SAMD3: variants seen among roughly 807,000 people sequenced by gnomAD.
SAMD3 encodes sterile alpha motif domain-containing protein 3.
SAMD3 carries 63 observed loss-of-function variants against 58.5 expected under a neutral mutation model. The observed-to-expected ratio is 1.08, with a 90% confidence interval of 0.88 to 1.33. The LOEUF (loss-of-function observed/expected upper bound fraction) is 1.33. Ranked by LOEUF, SAMD3 falls within the 40% of genes most tolerant of loss-of-function variation. The pLI is 0.00. For missense variants in SAMD3, 604 were observed against 608.4 expected (o/e 0.99, Z 0.08); for synonymous variants, 220 against 210.3 (o/e 1.05, Z -0.40).
At chr6:130,266,129 T>G (rs745645738) in intron 2 of SAMD3, among the ~76,000 whole-genome samples, 4 of 152,146 alleles carry the variant, frequency 2.6e-5, no homozygotes, top group Non-Finnish European at 5.9e-5. Context: ...GGAGCTGAAA[T>G]GGATCTTCAA....
intron 7 of SAMD3, among the ~76,000 whole-genome samples, chr6:130,181,809 T>C (rs1792355894): frequency 6.6e-6 from 1 of 152,062 alleles, no homozygotes; most frequent in Non-Finnish European, 1.5e-5. Flanking sequence ...TTTTGAGCTA[T>C]GTAAATATGT....
chr6:130,324,759 CT>C (rs2115005139), intron 1 of SAMD3, among the ~76,000 whole-genome samples: 1 of 140,866 alleles, frequency 7.1e-6, no homozygotes, highest in Admixed American at 7.1e-5. Context: ...ACAAAAACTA[CT>C]TTTTGGAGAA....
intron 7 of SAMD3, among the ~76,000 whole-genome samples, chr6:130,182,307 T>C (rs1222160716): frequency 2.0e-5 from 3 of 152,178 alleles, no homozygotes; most frequent in East Asian, 1.9e-4. Flanking sequence ...TAGTGCACTT[T>C]ATATGCAGCA....
chr6:130,290,949 T>G (rs1775341106), intron 2 of SAMD3, among the ~76,000 whole-genome samples: 1 of 152,226 alleles, frequency 6.6e-6, no homozygotes, highest in Admixed American at 6.5e-5. Context: ...AGGACAGCAG[T>G]CAGTCATCCT....
intron 2 of SAMD3, among the ~76,000 whole-genome samples, chr6:130,244,513 G>T (rs1409802373): frequency 6.6e-6 from 1 of 152,112 alleles, no homozygotes; most frequent in Non-Finnish European, 1.5e-5. Context: ...CCCAGGCAGG[G>T]AGAATCACCT....
chr6:130,322,437 A>C (rs1287547751), intron 1 of SAMD3, among the ~76,000 whole-genome samples: 1 of 152,232 alleles, frequency 6.6e-6, no homozygotes, highest in African/African-American at 2.4e-5. Flanking sequence ...CGGAGCTGTG[A>C]CTACAGATAG....
At chr6:130,294,909 A>ATTTTTTTTTTTTTTTTT (rs774036634) in intron 2 of SAMD3, among the ~76,000 whole-genome samples, 3 of 56,168 alleles carry the variant, frequency 5.3e-5, no homozygotes, top group African/African-American at 8.3e-5. Context: ...CATTTCTCTG[A>ATTTTTTTTTTTTTTTTT]TTTTTTTTTT....
chr6:130,215,913 C>T, intron 2 of SAMD3: 1 of 1,349,272 alleles, frequency 7.4e-7, no homozygotes, highest in African/African-American at 1.4e-5. Context: ...ATGTTTCTGT[C>T]CTTCCTTCCA....
intron 2 of SAMD3, among the ~76,000 whole-genome samples, chr6:130,275,759 T>G (rs1774752554): frequency 6.6e-6 from 1 of 152,174 alleles, no homozygotes; most frequent in Non-Finnish European, 1.5e-5. Context: ...TATTTTCTTC[T>G]TTGTATATCA....
At chr6:130,303,096 C>T (rs1026470283) in intron 2 of SAMD3, among the ~76,000 whole-genome samples, 1 of 152,224 alleles carries the variant, frequency 6.6e-6, no homozygotes, top group Middle Eastern at 3.4e-3. Context: ...ATTACTGTTC[C>T]TAGAGGTGAT....
intron 2 of SAMD3, chr6:130,215,712 G>A: frequency 6.8e-7 from 1 of 1,466,462 alleles, no homozygotes; most frequent in Non-Finnish European, 9.1e-7. Context: ...GAAGGGGTGG[G>A]CAGGAGAGGA....
In SAMD3 at chr6:130,318,425, T is replaced by A. The variant is rs146655680; in HGVS notation, c.-303-5332A>T. On this transcript the variant is annotated intron_variant, in intron 1 of 13. Transcript: ENST00000368134. ...AATGTTTGACATCTAATAAAAAAAT[T>A]TTTTTTTTAATTTTTTATTTTGAGA... is the stretch of plus-strand genomic sequence containing the variant. Among the ~76,000 whole-genome samples, 54 of 151,102 alleles carry A rather than the reference T, an allele frequency of 3.6e-4. 1 individual carries two copies. In the East Asian group the frequency reaches 0.01, roughly 29 times the overall value.
chr6:130,361,054 C>T (rs1777973084), intron 1 of SAMD3, among the ~76,000 whole-genome samples: 2 of 152,208 alleles, frequency 1.3e-5, no homozygotes, highest in Admixed American at 1.3e-4. Flanking sequence ...ACATGCTCTA[C>T]AATTTGTGCA....
intron 2 of SAMD3, among the ~76,000 whole-genome samples, chr6:130,267,483 G>A (rs940838529): frequency 6.6e-6 from 1 of 152,282 alleles, no homozygotes; most frequent in African/African-American, 2.4e-5. Flanking sequence ...AATAAAAAGT[G>A]AGAGTCTCAA....
chr6:130,308,380 A>ATTCTATTCTATTCTATTCTATTCT (rs1562512928), intron 2 of SAMD3, among the ~76,000 whole-genome samples: 134 of 135,118 alleles, frequency 9.9e-4, no homozygotes, highest in African/African-American at 1.8e-3. Context: ...ATTCTATTCT[A>ATTCTATTCTATTCTATTCTATTCT]TTCTATTCTA....
chr6:130,356,902 C>T (rs1221160651), intron 1 of SAMD3, among the ~76,000 whole-genome samples: 4 of 152,170 alleles, frequency 2.6e-5, no homozygotes, highest in Non-Finnish European at 5.9e-5. Flanking sequence ...ATCTGAGTGA[C>T]TCAATGTTGC....
At chr6:130,283,636 C>T (rs1056971725) in intron 2 of SAMD3, among the ~76,000 whole-genome samples, 4 of 151,884 alleles carry the variant, frequency 2.6e-5, no homozygotes, top group Non-Finnish European at 4.4e-5. Flanking sequence ...AATTGTTAAT[C>T]TAGAATAAAT....
chr6:130,311,499 C>G (rs962151986), intron 2 of SAMD3, among the ~76,000 whole-genome samples: 1 of 152,042 alleles, frequency 6.6e-6, no homozygotes, highest in African/African-American at 2.4e-5. Flanking sequence ...GCGTGAGGAC[C>G]CTACATTTTT....
intron 8 of SAMD3, chr6:130,161,383 A>G (rs1242891688): frequency 1.3e-5 from 2 of 152,204 alleles, no homozygotes; most frequent in Non-Finnish European, 2.9e-5. Context: ...TAGAAGTTAT[A>G]TAATTGCTGA....
Sources: gnomAD v4.1 joint callset for allele counts (sites outside exome capture counted in the v4.1 genomes callset) on GRCh38, gnomAD v4.1.1 for gene constraint, MANE v1.5 for transcripts, NCBI Gene and HGNC (gene_info 2026-07-23, HGNC 2026-07-21) for gene names.